The following TAFA2 variants were observed in gnomAD, a reference collection of about 807,000 sequenced individuals.
TAFA2 encodes the protein chemokine-like protein TAFA-2.
In TAFA2, 7 loss-of-function variants were observed where a neutral mutation model predicts 18.8. The ratio of observed to expected loss-of-function variants is 0.37; its 90% confidence interval spans 0.21 to 0.70. The LOEUF is 0.70. Among genes scored for constraint, TAFA2 ranks in the 30% least tolerant of loss-of-function variants. The probability of loss-of-function intolerance (pLI) is 0.53; values close to 1 mark genes in which losing one functional copy is unlikely to be tolerated. For synonymous variants in TAFA2, 60 were observed against 54.2 expected (o/e 1.11, Z -0.47); for missense variants, 122 against 158.1 (o/e 0.77, Z 1.23).
intron 1 of TAFA2, among the ~76,000 whole-genome samples, chr12:62,130,608 T>C (rs1370903139): frequency 6.6e-6 from 1 of 151,970 alleles, no homozygotes; most frequent in African/African-American, 2.4e-5. Flanking sequence ...TCACTGGACA[T>C]TTCCTGAGTA....
At chr12:61,852,482 C>G (rs562798512) in intron 2 of TAFA2, among the ~76,000 whole-genome samples, 3 of 152,044 alleles carry the variant, frequency 2.0e-5, no homozygotes, top group African/African-American at 4.8e-5. Context: ...AACAGAAAGC[C>G]AGAAGGATAA....
At chr12:62,126,408 T>C (rs1870461357) in intron 1 of TAFA2, among the ~76,000 whole-genome samples, 1 of 152,086 alleles carries the variant, frequency 6.6e-6, no homozygotes, top group African/African-American at 2.4e-5. Context: ...TGTTCAGGAA[T>C]GTTTTTATGT....
intron 2 of TAFA2, among the ~76,000 whole-genome samples, chr12:61,776,696 C>G (rs1018348144): frequency 1.9e-4 from 29 of 151,824 alleles, no homozygotes; most frequent in African/African-American, 6.8e-4. Flanking sequence ...AAGCTCCCTT[C>G]TGGTTCTAAA....
intron 1 of TAFA2, among the ~76,000 whole-genome samples, chr12:62,137,309 T>C (rs1870936641): frequency 1.3e-5 from 2 of 152,294 alleles, no homozygotes; most frequent in Admixed American, 6.5e-5. Context: ...TATTTAGGTA[T>C]GCTAAGCCCT....
Position 61,982,217 on chromosome 12 carries a change from C to T in TAFA2, c.-1-114791G>A, listed in dbSNP as rs150339064. ...GAAAACCAAACACCTCATGTTCTCA[C>T]TCATAGGTGGGAAATGAACAATCAG... On this transcript the variant is annotated intron_variant, in intron 1 of 4. Coordinates refer to ENST00000416284, the MANE Select transcript of TAFA2 (RefSeq NM_178539.5). Among the ~76,000 whole-genome samples the T allele has an allele frequency of 2.2e-3, 337 of 152,254 alleles. 3 individuals are homozygous for T. The highest frequency in any genetic ancestry group is 7.7e-3 in the African/African-American group (318 of 41,550).
intron 1 of TAFA2, among the ~76,000 whole-genome samples, chr12:62,005,442 GAT>G (rs1880514879): frequency 6.6e-6 from 1 of 152,014 alleles, no homozygotes; most frequent in Non-Finnish European, 1.5e-5. Context: ...TCAGAATACA[GAT>G]ATGTTTCTGG....
chr12:62,220,875 G>A (rs377611431), intron 1 of TAFA2, among the ~76,000 whole-genome samples: 1 of 152,066 alleles, frequency 6.6e-6, no homozygotes, highest in African/African-American at 2.4e-5. Context: ...TGGTGAGGCC[G>A]AGGCGGGCGG....
chr12:62,122,979 G>A (rs1386809664), intron 1 of TAFA2, among the ~76,000 whole-genome samples: 2 of 152,080 alleles, frequency 1.3e-5, no homozygotes, highest in Non-Finnish European at 2.9e-5. Context: ...TCATCATCTA[G>A]CTCATATCAC....
chr12:61,845,914 C>T (rs1163822140), intron 2 of TAFA2, among the ~76,000 whole-genome samples: 1 of 152,034 alleles, frequency 6.6e-6, no homozygotes, highest in Non-Finnish European at 1.5e-5. Context: ...TTTCCTAATC[C>T]CATTTTATAA....
At chr12:62,045,266 C>T (rs1467731081) in intron 1 of TAFA2, among the ~76,000 whole-genome samples, 1 of 152,090 alleles carries the variant, frequency 6.6e-6, no homozygotes, top group African/African-American at 2.4e-5. Flanking sequence ...TGATACCTTC[C>T]CTCCCAACTT....
intron 1 of TAFA2, among the ~76,000 whole-genome samples, chr12:62,009,793 A>G (rs151108725): frequency 2.2e-4 from 33 of 152,336 alleles, no homozygotes; most frequent in Admixed American, 3.9e-4. Flanking sequence ...CAGTTCTTAG[A>G]TATGAACTCC....
intron 1 of TAFA2, among the ~76,000 whole-genome samples, chr12:62,127,307 C>G (rs1466374416): frequency 2.0e-5 from 3 of 151,942 alleles, no homozygotes; most frequent in Non-Finnish European, 2.9e-5. Context: ...GCACCCCACC[C>G]ACCTCCATCA....
At position 62,088,354 on chromosome 12, in the gene TAFA2, G is replaced by A. The variant is rs184935364; in HGVS notation, c.-2+102905C>T. 1.3e-3 allele frequency among the ~76,000 whole-genome samples: 198 copies of A among 151,832 alleles called. 1 individual carries two copies. Among genetic ancestry groups the A allele is most frequent in the African/African-American group, 4.6e-3 (191 of 41,432 alleles). On this transcript the variant is annotated intron_variant, in intron 1 of 4. Coordinates refer to ENST00000416284, the MANE Select transcript of TAFA2 (RefSeq NM_178539.5). ...AATTGAATTAGCCAACTAAAAGACA[G>A]TTCAAGTAATTGATCAAGAAATACA...
intron 1 of TAFA2, among the ~76,000 whole-genome samples, chr12:62,101,042 A>G (rs1304054708): frequency 1.3e-5 from 2 of 152,142 alleles, no homozygotes; most frequent in African/African-American, 4.8e-5. Flanking sequence ...GACACTTCAG[A>G]TATATCTATA....
intron 1 of TAFA2, chr12:62,235,451 G>T: frequency 1.6e-6 from 1 of 618,318 alleles, no homozygotes; most frequent in Non-Finnish European, 2.9e-6. Context: ...AGCCTGGTGC[G>T]CCGCCTGCCA....
chr12:61,790,642 G>T (rs1205631226), intron 2 of TAFA2, among the ~76,000 whole-genome samples: 1 of 151,666 alleles, frequency 6.6e-6, no homozygotes, highest in Non-Finnish European at 1.5e-5. Context: ...AGATACCTAG[G>T]AGTAAATTTA....
intron 2 of TAFA2, among the ~76,000 whole-genome samples, chr12:61,827,694 A>G (rs1370791489): frequency 1.3e-5 from 2 of 152,038 alleles, no homozygotes; most frequent in African/African-American, 2.4e-5. Flanking sequence ...GCATATTAGC[A>G]TATAAATATA....
chr12:62,088,469 G>C (rs1056067670), intron 1 of TAFA2, among the ~76,000 whole-genome samples: 1 of 151,976 alleles, frequency 6.6e-6, no homozygotes, highest in Non-Finnish European at 1.5e-5. Flanking sequence ...CAGAGACAAA[G>C]AACATGGAAC....
At chr12:61,955,653 A>ATATATATATATG (rs1241100284) in intron 1 of TAFA2, among the ~76,000 whole-genome samples, 13 of 103,542 alleles carry the variant, frequency 1.3e-4, no homozygotes, top group African/African-American at 3.9e-4. Flanking sequence ...ATATATATAT[A>ATATATATATATG]TATATATATA....
Sources: gnomAD v4.1 joint callset for allele counts (sites outside exome capture counted in the v4.1 genomes callset) on GRCh38, gnomAD v4.1.1 for gene constraint, MANE v1.5 for transcripts, NCBI Gene and HGNC (gene_info 2026-07-23, HGNC 2026-07-21) for gene names.